The following GMDS variants were observed in gnomAD, a reference collection of about 807,000 sequenced individuals.
GMDS encodes GDP-mannose 4,6 dehydratase.
In GMDS, 20 loss-of-function variants were observed where a neutral mutation model predicts 49.9. The ratio of observed to expected loss-of-function variants is 0.40; its 90% CI spans 0.28 to 0.58. The LOEUF is 0.58. Among genes scored for constraint, GMDS ranks in the 20% least tolerant of loss-of-function variants. GMDS has a pLI of 0.42. For missense variants in GMDS, 362 were observed against 481.4 expected (o/e 0.75, Z 2.32); for synonymous variants, 177 against 178.6 (o/e 0.99, Z 0.07).
intron 9 of GMDS, among the ~76,000 whole-genome samples, chr6:1,636,647 G>C (rs1412825077): frequency 6.6e-6 from 1 of 152,222 alleles, no homozygotes; most frequent in Non-Finnish European, 1.5e-5. Flanking sequence ...TGAGCCCCCA[G>C]GATGGAGAGC....
At chr6:2,143,283 T>G (rs1469897352) in intron 1 of GMDS, among the ~76,000 whole-genome samples, 4 of 152,176 alleles carry the variant, frequency 2.6e-5, no homozygotes, top group Non-Finnish European at 5.9e-5. Context: ...GAGATACCCC[T>G]GGGCTCTGGT....
At chr6:1,931,050 T>C in intron 6 of GMDS, 1 of 152,214 alleles carries the variant, frequency 6.6e-6, no homozygotes, top group Middle Eastern at 3.2e-3. Flanking sequence ...GATCACAAAG[T>C]TAAAAGGCAC....
intron 4 of GMDS, among the ~76,000 whole-genome samples, chr6:2,050,889 C>G (rs899180086): frequency 2.0e-5 from 3 of 152,052 alleles, no homozygotes; most frequent in African/African-American, 7.2e-5. Context: ...CATTTTCTCA[C>G]TCATAGGTGG....
chr6:2,022,636 G>A (rs1024040470), intron 4 of GMDS, among the ~76,000 whole-genome samples: 24 of 152,116 alleles, frequency 1.6e-4, no homozygotes, highest in Admixed American at 3.3e-4. Flanking sequence ...CACAAGATTT[G>A]TTATTATCTA....
At chr6:2,197,044 C>T (rs910225621) in intron 1 of GMDS, among the ~76,000 whole-genome samples, 21 of 152,130 alleles carry the variant, frequency 1.4e-4, no homozygotes, top group African/African-American at 4.6e-4. Context: ...GCAGCAGTCC[C>T]ACACCCTTCC....
In GMDS at chr6:1,782,490, T is replaced by G. The variant is rs113123199; in HGVS notation, c.772-39904A>C. On this transcript the variant is annotated intron_variant, in intron 7 of 10. Transcript: ENST00000380815. ...TCCAGTCCAAGCCTTAAGACCAACT[T>G]TGTTAGGACTAATAAAAACCTGAAT... Among the ~76,000 whole-genome samples, 204 of 152,354 alleles carry G rather than the reference T, an allele frequency of 1.3e-3. 2 individuals carry two copies. Among genetic ancestry groups the G allele is most frequent in the African/African-American group, 4.6e-3 (190 of 41,594 alleles).
chr6:2,043,100 AGCAAGCAGAAGGTTCCT>A (rs1438475912), intron 4 of GMDS, among the ~76,000 whole-genome samples: 2 of 152,216 alleles, frequency 1.3e-5, no homozygotes, highest in Non-Finnish European at 2.9e-5. Context: ...GGGGTCCTGC[AGCAAGCAGAAGGTTCCT>A]GCCGTCACTC....
chr6:1,989,684 C>A (rs1765803667), intron 4 of GMDS, among the ~76,000 whole-genome samples: 1 of 152,212 alleles, frequency 6.6e-6, no homozygotes, highest in African/African-American at 2.4e-5. Flanking sequence ...CTGGTACACT[C>A]CCTTCCAAAC....
intron 1 of GMDS, among the ~76,000 whole-genome samples, chr6:2,142,347 G>A (rs1254864401): frequency 6.6e-6 from 1 of 152,100 alleles, no homozygotes; most frequent in African/African-American, 2.4e-5. Context: ...GGTTGGTGCA[G>A]ATGTAATTAG....
At chr6:2,146,632 T>C (rs903089457) in intron 1 of GMDS, among the ~76,000 whole-genome samples, 4 of 152,206 alleles carry the variant, frequency 2.6e-5, no homozygotes, top group African/African-American at 9.7e-5. Flanking sequence ...TATAATTAAC[T>C]TCTTTTGTAC....
At chr6:1,939,314 G>A (rs1253397087) in intron 6 of GMDS, among the ~76,000 whole-genome samples, 1 of 151,728 alleles carries the variant, frequency 6.6e-6, no homozygotes, top group Non-Finnish European at 1.5e-5. Flanking sequence ...GGACATCAAC[G>A]CAAATGACGG....
At chr6:1,886,305 TA>T (rs1759603526) in intron 7 of GMDS, among the ~76,000 whole-genome samples, 1 of 152,058 alleles carries the variant, frequency 6.6e-6, no homozygotes, top group African/African-American at 2.4e-5. Flanking sequence ...TAAATATCAA[TA>T]AAAAATGAGA....
intron 9 of GMDS, among the ~76,000 whole-genome samples, chr6:1,720,748 C>G (rs1766354206): frequency 6.6e-6 from 1 of 152,092 alleles, no homozygotes; most frequent in African/African-American, 2.4e-5. Flanking sequence ...TCCCGCTGGT[C>G]AGAGAAAGGA....
At chr6:1,692,502 C>T (rs1275769448) in intron 9 of GMDS, among the ~76,000 whole-genome samples, 1 of 152,166 alleles carries the variant, frequency 6.6e-6, no homozygotes, top group East Asian at 1.9e-4. Flanking sequence ...TCTTTTCTGT[C>T]CTCCCCTCCT....
intron 7 of GMDS, among the ~76,000 whole-genome samples, chr6:1,765,100 T>C (rs1175848040): frequency 3.3e-5 from 5 of 152,052 alleles, no homozygotes; most frequent in African/African-American, 1.2e-4. Flanking sequence ...GATCAGAAGA[T>C]TTAAACAATT....
intron 4 of GMDS, among the ~76,000 whole-genome samples, chr6:2,071,647 G>A (rs1772006485): frequency 2.0e-5 from 3 of 149,252 alleles, no homozygotes; most frequent in South Asian, 4.2e-4. Context: ...AACTGAAAAA[G>A]CTATGAAAAA....
intron 4 of GMDS, among the ~76,000 whole-genome samples, chr6:2,011,684 T>C (rs973454998): frequency 2.0e-5 from 3 of 152,038 alleles, no homozygotes; most frequent in African/African-American, 7.2e-5. Context: ...AAGGCTGAGG[T>C]GGAAGGATTT....
intron 1 of GMDS, among the ~76,000 whole-genome samples, chr6:2,234,573 C>T (rs944771153): frequency 2.6e-5 from 4 of 152,012 alleles, no homozygotes; most frequent in Non-Finnish European, 2.9e-5. Context: ...CGCACCACTG[C>T]ACTCCAGCCT....
intron 4 of GMDS, among the ~76,000 whole-genome samples, chr6:2,005,951 G>T (rs2875725): frequency 0.7 from 106,991 of 151,936 alleles, 37,895 homozygotes; most frequent in African/African-American, 0.74. Context: ...GTCTGTCTCT[G>T]TCCCCTACAG....
Sources: allele counts gnomAD v4.1 joint callset (sites outside exome capture counted in the v4.1 genomes callset), GRCh38; gene constraint gnomAD v4.1.1; transcripts MANE v1.5; gene names NCBI Gene and HGNC (gene_info 2026-07-23, HGNC 2026-07-21).